The following CHD4 variants were observed in gnomAD, a reference collection of about 807,000 sequenced individuals.
CHD4 encodes the protein chromodomain helicase DNA binding protein 4.
In CHD4, 35 loss-of-function variants were observed where a neutral mutation model predicts 235.5. The observed-to-expected ratio is 0.15, with a 90% confidence interval of 0.11 to 0.20. CHD4 has a LOEUF of 0.20. Ranked by LOEUF, CHD4 falls within the 10% of genes least tolerant of loss-of-function variation. The pLI is 1.00. For missense variants in CHD4, 1,329 were observed against 2,432.3 expected (o/e 0.55, Z 9.54); for synonymous variants, 900 against 850.2 (o/e 1.06, Z -1.02).
chr12:6,582,486 G>A, intron 29 of CHD4, 129 bp downstream of exon 29: 1 of 1,405,634 alleles, frequency 7.1e-7, no homozygotes. Context: ...ATTACTAACA[G>A]CTTCACCTGC....
rs563511664 is a variant in CHD4, at chr12:6,575,300, TAGTC to T, written c.5362-2035_5362-2032del. ...CCATCTCTACTAAAAATACAAAAAT[TAGTC>T]AGGCATGGTGGTACATGCCTGTAAT... On this transcript the variant is annotated intron_variant, in intron 37 of 39. Coordinates refer to ENST00000544040, the MANE Select transcript of CHD4 (RefSeq NM_001273.5). 4.3e-3 allele frequency among the ~76,000 whole-genome samples: 650 copies of T among 151,908 alleles called. 8 individuals are homozygous for T. The highest frequency in any genetic ancestry group is 0.014 in the Middle Eastern group (4 of 294).
rs773894753 is a variant in CHD4 at position 6,602,383 on chromosome 12, T to C, written c.215A>G (p.Lys72Arg). 2.6e-5 allele frequency: 42 copies of C among 1,613,682 alleles called. No individual in the cohort carries two copies. The South Asian group carries it at 4.0e-4, about 15-fold the overall frequency. ...ATTCAGTCACCCACTCACCTCCTTTTTTTGGCGCTTGCTCTTAGGGATTTT... is the reference window on the plus strand; with the variant it reads ...ATTCAGTCACCCACTCACCTCCTTTCTTTGGCGCTTGCTCTTAGGGATTTT... Reference protein sequence around the residue: ...DPKIPKSKRQKKERMLLCRQL... With the variant: ...DPKIPKSKRQRKERMLLCRQL... Residue 72 changes from lysine (K) to arginine (R), a missense_variant, in exon 3 of 40, where the codon AAA becomes AGA. Around this residue, in one of 26 missense-constraint regions of CHD4, gnomAD observed 213 missense variants for 177.5 expected, o/e 1.20. Coordinates refer to ENST00000544040, the MANE Select transcript of CHD4 (RefSeq NM_001273.5).
At chr12:6,605,525 ACACTTCACACTGC>A (rs1948677788) in intron 2 of CHD4, among the ~76,000 whole-genome samples, 1 of 152,194 alleles carries the variant, frequency 6.6e-6, no homozygotes, top group Non-Finnish European at 1.5e-5. Flanking sequence ...ACCTACACAG[ACACTTCACACTGC>A]CAGCCTAAAC....
intron 29 of CHD4, 115 bp from the exon 30 acceptor site, chr12:6,582,396 A>T: frequency 7.4e-7 from 1 of 1,351,284 alleles, no homozygotes; most frequent in Non-Finnish European, 1.0e-6. Flanking sequence ...CCTTGAGGTA[A>T]AGCCCACCAC....
At chr12:6,580,718 A>AAAAACAAACAAAC (rs1565604105) in intron 33 of CHD4, 5 of 241,828 alleles carry the variant, frequency 2.1e-5, no homozygotes, top group Non-Finnish European at 1.5e-5. Flanking sequence ...AAAAAAAAAA[A>AAAAACAAACAAAC]AAAAAAAAAG....
Position 6,601,413 on chromosome 12 carries a change from T to G in CHD4, c.675A>C (p.Ser225=). ...NNPFKGSSGA[S]VAAAAAAAVA... ...CCGCTGCTGCTGCCGCAGCTGCCAC[T>G]GATGCCCCAGAACTGCCTTTGAAGG... is the stretch of plus-strand genomic sequence containing the variant. Residue 225 remains serine, a synonymous_variant, in exon 6 of 40, where the codon TCA becomes TCC. Coordinates refer to ENST00000544040, the MANE Select transcript of CHD4 (RefSeq NM_001273.5). The G allele has an allele frequency of 6.2e-7, 1 of 1,614,198 alleles. No homozygotes were observed. Among genetic ancestry groups the G allele is most frequent in the Non-Finnish European group, 8.5e-7 (1 of 1,180,040 alleles).
In CHD4 at chr12:6,600,916, G is replaced by A; in HGVS notation, c.927+10C>T. The A allele has an allele frequency of 6.4e-7, 1 of 1,573,140 alleles. No individual in the cohort carries two copies. Among genetic ancestry groups the A allele is most frequent in the Non-Finnish European group, 8.6e-7 (1 of 1,163,314 alleles). ...GGCACCCTCCCTAAAGCGATGGGCT[G>A]GGCTCTCACCGAGGATCTCTTACGC... On this transcript the variant is annotated intron_variant, in intron 7 of 39. Transcript: ENST00000544040.
chr12:6,588,158 C>G, intron 23 of CHD4, 140 bp downstream of exon 23: 2 of 1,275,582 alleles, frequency 1.6e-6, no homozygotes, highest in Non-Finnish European at 2.2e-6. Context: ...CTCTGGCTTA[C>G]AATAAGGTAA....
At position 6,574,159 on chromosome 12, in the gene CHD4, CTG is replaced by C. The variant is rs1197956287; in HGVS notation, c.5362-892_5362-891del. Among the ~76,000 whole-genome samples, 11 of 152,120 alleles carry C rather than the reference CTG, an allele frequency of 7.2e-5. No individual in the cohort carries two copies. The East Asian group carries it at 9.7e-4, about 13-fold the overall frequency. ...GGCTTTTTGTGTAGGTTTTTAAAAA[CTG>C]TTTCTGTTTCCTATGTATGTTTCTA... On this transcript the variant is annotated intron_variant, in intron 37 of 39. Coordinates refer to ENST00000544040, the MANE Select transcript of CHD4 (RefSeq NM_001273.5).
At chr12:6,588,242 T>TA in intron 23 of CHD4, 56 bp downstream of exon 23, 1 of 1,593,046 alleles carries the variant, frequency 6.3e-7, no homozygotes, top group Non-Finnish European at 8.6e-7. Flanking sequence ...TAGAGGCCAC[T>TA]ATGCCTTTCT....
In CHD4 at chr12:6,570,571, G is replaced by C; in HGVS notation, c.*105C>G. On this transcript the variant is annotated 3_prime_UTR_variant, in exon 40 of 40. Transcript: ENST00000544040. ...TGTTCCTTTACAACATGGAAGATGG[G>C]CAGAAGGAAGGTGAGGGTCTCTCAG... is the stretch of plus-strand genomic sequence containing the variant. 7.2e-7 allele frequency: 1 copy of C among 1,396,340 alleles called. No homozygotes were observed. The highest frequency in any genetic ancestry group is 1.0e-6 in the Non-Finnish European group (1 of 989,734). 86.5% of individuals were successfully genotyped at this position (1,396,340 alleles called of 1,614,324 possible).
At chr12:6,588,864 G>C (rs1411537684) in intron 22 of CHD4, among the ~76,000 whole-genome samples, 2 of 152,104 alleles carry the variant, frequency 1.3e-5, no homozygotes, top group African/African-American at 4.8e-5. Flanking sequence ...AGAATCACTT[G>C]AGCCCAAGAG....
Position 6,581,341 on chromosome 12 carries a change from T to C in CHD4, c.4729A>G (p.Ile1577Val), listed in dbSNP as rs1373628550. The C allele has an allele frequency of 4.3e-6, 7 of 1,614,110 alleles. No individual in the cohort carries two copies. The highest frequency in any genetic ancestry group is 5.9e-6 in the Non-Finnish European group (7 of 1,180,054). ...GATTTAACCTCCTTTTCTCCTTCTA[T>C]GCTCTCTTCTTCTTTGAGGCTATTT... ...EENSLKEEES[I>V]EGEKEVKSTA... Residue 1577 changes from isoleucine to valine, a missense_variant, in exon 32 of 40, where the codon ATA becomes GTA. Ile to Val is a conservative substitution (Grantham distance 29, BLOSUM62 3). Coordinates refer to ENST00000544040, the MANE Select transcript of CHD4 (RefSeq NM_001273.5).
chr12:6,604,509 G>A (rs1948656433), intron 2 of CHD4, among the ~76,000 whole-genome samples: 1 of 151,924 alleles, frequency 6.6e-6, no homozygotes, highest in African/African-American at 2.4e-5. Context: ...ACATCAGCCT[G>A]GATTTCACCA....
chr12:6,582,788 C>T, intron 28 of CHD4, 40 bp from the exon 29 acceptor site: 2 of 1,614,082 alleles, frequency 1.2e-6, no homozygotes, highest in Admixed American at 1.7e-5. Context: ...CAGCAGGTCG[C>T]ATTCCACCAA....
At chr12:6,580,921 C>T (rs1030696874) in intron 33 of CHD4, 123 bp downstream of exon 33, 27 of 1,029,496 alleles carry the variant, frequency 2.6e-5, no homozygotes, top group Non-Finnish European at 3.8e-5. Flanking sequence ...GCAGGAGAAT[C>T]GCTCGAACCT....
chr12:6,597,515 G>C (rs1422603145), intron 12 of CHD4, among the ~76,000 whole-genome samples: 2 of 151,940 alleles, frequency 1.3e-5, no homozygotes, highest in Admixed American at 1.3e-4. Context: ...GTTAATCCTA[G>C]CACTTAGGGA....
intron 20 of CHD4, 21 bp downstream of exon 20, chr12:6,591,895 A>G: frequency 6.2e-7 from 1 of 1,614,148 alleles, no homozygotes; most frequent in Non-Finnish European, 8.5e-7. Flanking sequence ...CCAGGGAGGA[A>G]CAGGAGATGG....
chr12:6,574,916 G>A (rs1948042225), intron 37 of CHD4, among the ~76,000 whole-genome samples: 2 of 152,166 alleles, frequency 1.3e-5, no homozygotes, highest in East Asian at 1.9e-4. Flanking sequence ...TGGCTCAAGA[G>A]CTAAGAATGG....
Sources: allele counts gnomAD v4.1 joint callset (sites outside exome capture counted in the v4.1 genomes callset), GRCh38; gene constraint gnomAD v4.1.1; regional missense constraint gnomAD v4.1.1; transcripts MANE v1.5; gene names NCBI Gene and HGNC (gene_info 2026-07-23, HGNC 2026-07-21).